Variants in DOCK11 observed in about 807,000 individuals in gnomAD.
The protein encoded by DOCK11 is dedicator of cytokinesis protein 11.
In DOCK11, 70 loss-of-function variants were observed where a neutral mutation model predicts 169.1. That is an observed-to-expected ratio of 0.41 (90% CI 0.34 to 0.51). The LOEUF (loss-of-function observed/expected upper bound fraction) is 0.51. DOCK11 is among the 20% of genes least tolerant of loss of function. The pLI is 0.10. For missense variants in DOCK11, 1,166 were observed against 1,538.8 expected (o/e 0.76, Z 4.05); for synonymous variants, 529 against 541.3 (o/e 0.98, Z 0.32).
At chrX:118,517,594 C>T (rs1897855334) in intron 1 of DOCK11, among the ~76,000 whole-genome samples, 1 of 110,378 alleles carries the variant, frequency 9.1e-6, no homozygotes, top group African/African-American at 3.3e-5. Flanking sequence ...TGTGCACACA[C>T]AACATATGGT....
chrX:118,584,986 C>A (rs1394123246), intron 15 of DOCK11, 55 bp from the exon 16 acceptor site: 10 of 1,136,884 alleles, frequency 8.8e-6, no homozygotes, highest in Non-Finnish European at 1.2e-5. Flanking sequence ...AGAGGGTAAC[C>A]AGTGCATTCA....
chrX:118,516,316 C>T (rs1342175333), intron 1 of DOCK11, among the ~76,000 whole-genome samples: 2 of 106,339 alleles, frequency 1.9e-5, no homozygotes, highest in Non-Finnish European at 3.9e-5. Flanking sequence ...AGGATGGTTT[C>T]GATCTCCTGA....
At position 118,540,572 on chromosome X, in the gene DOCK11, C is replaced by T. The variant is rs191659304; in HGVS notation, c.103-2153C>T. Among the ~76,000 whole-genome samples the T allele has an allele frequency of 6.3e-5, 7 of 111,600 alleles. No individual in the cohort carries two copies. In the East Asian group the frequency reaches 2.0e-3, roughly 31 times the overall value. On this transcript the variant is annotated intron_variant, in intron 1 of 52. Transcript: ENST00000276202. ...TGGGTCTACAAATCCAAATTTAAGA[C>T]TTGAAATAAAGCATAAAGGTTAGGA...
In DOCK11 at chrX:118,610,391, G is replaced by A. The variant is rs764446657; in HGVS notation, c.3069G>A (p.Val1023=). Residue 1023 remains valine, a synonymous_variant, in exon 28 of 53, where the codon GTG becomes GTA. Transcript: ENST00000276202. ...AGATTCCCGATGAGTCCAGAAATGT[G>A]AACTATAGTTTGGCTAGCTTCCTGA... ...YAEIPDESRN[V]NYSLASFLKR... 1 of 1,211,169 alleles carries A rather than the reference G, an allele frequency of 8.3e-7. No individual in the cohort carries two copies. The highest frequency in any genetic ancestry group is 1.1e-6 in the Non-Finnish European group (1 of 895,424).
chrX:118,599,185 C>A lies in DOCK11; in HGVS notation c.2519C>A (p.Ser840Ter), dbSNP rs1227762548. Residue 840 changes from serine to a stop codon, truncating the protein, a stop_gained, in exon 23 of 53, where the codon TCA (serine) becomes TAA (stop). Transcript: ENST00000276202. LOFTEE classifies it high-confidence loss of function. ...TTCCATCATTGCCAGCTGATTCAGT[C>A]AGGCTCGAAAGAAGTTCCAGGGGAG... ...KFFHHCQLIQ[S>*]GSKEVPGELI... 1.7e-6 allele frequency: 2 copies of A among 1,210,598 alleles called. No homozygotes were observed. The highest frequency in any genetic ancestry group is 2.2e-6 in the Non-Finnish European group (2 of 894,810).
At chrX:118,598,253 T>G (rs1272684319) in intron 22 of DOCK11, 137 bp downstream of exon 22, 1 of 413,947 alleles carries the variant, frequency 2.4e-6, no homozygotes, top group East Asian at 4.1e-5. Flanking sequence ...TCTGTCCAGG[T>G]GCAGTGGCTC....
intron 3 of DOCK11, 89 bp downstream of exon 3, chrX:118,543,104 T>G: frequency 1.5e-6 from 1 of 663,290 alleles, no homozygotes; most frequent in South Asian, 3.3e-5. Flanking sequence ...TGTAACCTGT[T>G]TATAAATACA....
intron 1 of DOCK11, among the ~76,000 whole-genome samples, chrX:118,513,347 G>A (rs1344064207): frequency 8.9e-6 from 1 of 112,366 alleles, no homozygotes; most frequent in Non-Finnish European, 1.9e-5. Flanking sequence ...GGGTGCCAAG[G>A]GAATGTTGTG....
rs1264898806 is a variant in DOCK11 at position 118,680,547 on chromosome X, T to A, written c.5526T>A (p.Phe1842Leu). The A allele has an allele frequency of 2.5e-6, 3 of 1,209,174 alleles. No homozygotes were observed. Among genetic ancestry groups the A allele is most frequent in the African/African-American group, 3.5e-5 (2 of 57,277 alleles). The change falls in exon 49 of 53, where the codon TTT (phenylalanine) becomes TTA (leucine). Residue 1842 changes from phenylalanine to leucine, a missense_variant. Coordinates refer to ENST00000276202, the MANE Select transcript of DOCK11 (RefSeq NM_144658.4). ...AAGTTACTTATGTGAAGCCTTACTT[T>A]GATGACAAAGAACTCACAGAAAGGA... Reference protein sequence around the residue: ...HIQVTYVKPYFDDKELTERKT... With the variant: ...HIQVTYVKPYLDDKELTERKT...
intron 52 of DOCK11, among the ~76,000 whole-genome samples, chrX:118,684,967 T>C (rs937703188): frequency 8.9e-6 from 1 of 111,899 alleles, no homozygotes; most frequent in South Asian, 3.7e-4. Context: ...GTTAGGACTT[T>C]ATGGTAAAGA....
chrX:118,616,182 T>A (rs756785642), intron 30 of DOCK11: 1 of 938,161 alleles, frequency 1.1e-6, no homozygotes. Context: ...TTGTCCCTTT[T>A]CTTTTCATAT....
chrX:118,675,150 T>C (rs996032736), intron 46 of DOCK11, among the ~76,000 whole-genome samples: 38 of 112,758 alleles, frequency 3.4e-4, no homozygotes, highest in Admixed American at 9.4e-5. Context: ...TAATGTTCTT[T>C]GCACAACGTG....
rs1308032451 is a variant in DOCK11 at position 118,591,983 on chromosome X, T to C, written c.2140-1231T>C. ...GAGCTCATCATTTTTTATGGATGCA[T>C]AGTATTCCATGGTGTATATGTGCCA... On this transcript the variant is annotated intron_variant, in intron 19 of 52. Transcript: ENST00000276202. Among the ~76,000 whole-genome samples, 3 of 107,652 alleles carry C rather than the reference T, an allele frequency of 2.8e-5. No homozygotes were observed. In the Admixed American group the frequency reaches 3.0e-4, roughly 11 times the overall value. The allele number at this position is 107,652 out of a possible 115,157, so 93.5% of individuals were successfully genotyped here.
intron 40 of DOCK11, among the ~76,000 whole-genome samples, chrX:118,647,598 TA>T (rs760970253): frequency 0.13 from 8,464 of 63,890 alleles, 620 homozygotes; most frequent in Non-Finnish European, 0.15. Context: ...TCTTATATAT[TA>T]ATATATAAAT....
chrX:118,504,062 C>T (rs902783681), intron 1 of DOCK11, among the ~76,000 whole-genome samples: 6 of 110,637 alleles, frequency 5.4e-5, no homozygotes, highest in Admixed American at 1.9e-4. Context: ...ACTAGAAGTA[C>T]GCAAATAACC....
intron 52 of DOCK11, among the ~76,000 whole-genome samples, chrX:118,684,870 A>G (rs914061046): frequency 2.7e-5 from 3 of 111,901 alleles, no homozygotes; most frequent in African/African-American, 3.2e-5. Context: ...ATATGTCTCA[A>G]TACTGCCACT....
intron 38 of DOCK11, among the ~76,000 whole-genome samples, chrX:118,640,066 T>G (rs1020256568): frequency 1.8e-5 from 2 of 112,315 alleles, no homozygotes; most frequent in Non-Finnish European, 3.8e-5. Flanking sequence ...GATTAGGGAA[T>G]GAACATGCTG....
At chrX:118,567,054 A>T (rs1414411024) in intron 9 of DOCK11, among the ~76,000 whole-genome samples, 1 of 112,262 alleles carries the variant, frequency 8.9e-6, no homozygotes, top group East Asian at 2.8e-4. Flanking sequence ...CATATTCTCT[A>T]TATGTAAATA....
chrX:118,544,012 A>G (rs779218433), intron 4 of DOCK11, among the ~76,000 whole-genome samples: 2 of 112,564 alleles, frequency 1.8e-5, no homozygotes, highest in African/African-American at 6.4e-5. Context: ...CAAATCTTCA[A>G]GGAACCTGCA....
Sources: gnomAD v4.1 joint callset for allele counts (sites outside exome capture counted in the v4.1 genomes callset) on GRCh38, gnomAD v4.1.1 for gene constraint, MANE v1.5 for transcripts, NCBI Gene and HGNC (gene_info 2026-07-23, HGNC 2026-07-21) for gene names.